The following TTLL5 variants were observed in gnomAD, a reference collection of about 807,000 sequenced individuals.
TTLL5 encodes tubulin tyrosine ligase like 5.
TTLL5 carries 132 observed loss-of-function variants against 168.4 expected under a neutral mutation model. The ratio of observed to expected loss-of-function variants is 0.78; its 90% CI spans 0.68 to 0.91. The LOEUF (loss-of-function observed/expected upper bound fraction) is 0.91, where lower values mean the gene tolerates loss of function less well. Among genes scored for constraint, TTLL5 ranks in the 40% least tolerant of loss-of-function variants. The pLI is 0.00. For synonymous variants in TTLL5, 546 were observed against 558.6 expected (o/e 0.98, Z 0.32); for missense variants, 1,545 against 1,581.5 (o/e 0.98, Z 0.39).
Position 75,853,771 on chromosome 14 carries a change from C to T in TTLL5, c.3327-9896C>T, listed in dbSNP as rs555917048. On this transcript the variant is annotated intron_variant, in intron 28 of 31. Transcript: ENST00000298832. ...AAAAATCATCTATTTTGGCTGGACG[C>T]AGTGGCTTACGCCTGTAATCCCAGC... 3.3e-5 allele frequency among the ~76,000 whole-genome samples: 5 copies of T among 152,314 alleles called. No homozygotes were observed. The South Asian group carries it at 8.3e-4, about 25-fold the overall frequency.
intron 28 of TTLL5, among the ~76,000 whole-genome samples, chr14:75,840,012 A>G (rs1896135031): frequency 6.6e-6 from 1 of 152,202 alleles, no homozygotes; most frequent in South Asian, 2.1e-4. Flanking sequence ...ATTCCATTGA[A>G]TACCCTTTTA....
At chr14:75,697,082 A>G (rs1331236722) in intron 6 of TTLL5, among the ~76,000 whole-genome samples, 1 of 152,168 alleles carries the variant, frequency 6.6e-6, no homozygotes, top group Non-Finnish European at 1.5e-5. Context: ...TGTAGAAATC[A>G]TATGAAATTC....
chr14:75,663,555 G>A (rs766159890), intron 2 of TTLL5, among the ~76,000 whole-genome samples: 10 of 152,176 alleles, frequency 6.6e-5, no homozygotes, highest in Non-Finnish European at 1.5e-4. Flanking sequence ...AAATGTTTAA[G>A]TATTGAAGAA....
chr14:75,763,000 A>G (rs1890746548), intron 18 of TTLL5, among the ~76,000 whole-genome samples: 1 of 152,120 alleles, frequency 6.6e-6, no homozygotes, highest in Non-Finnish European at 1.5e-5. Flanking sequence ...GTCTCCAATC[A>G]CATTAAGTTT....
At chr14:75,781,318 C>T (rs1199771312) in intron 24 of TTLL5, among the ~76,000 whole-genome samples, 3 of 152,112 alleles carry the variant, frequency 2.0e-5, no homozygotes, top group East Asian at 3.9e-4. Context: ...AGGAAGACGT[C>T]AATCAAGGAA....
chr14:75,883,577 T>C (rs139489081), intron 30 of TTLL5, among the ~76,000 whole-genome samples: 90 of 152,360 alleles, frequency 5.9e-4, no homozygotes, highest in Non-Finnish European at 1.2e-3. Context: ...TCTCATTCAT[T>C]TGTCCTTCGG....
chr14:75,874,933 C>CTTTT (rs1555353208), intron 29 of TTLL5, among the ~76,000 whole-genome samples: 1,360 of 97,476 alleles, frequency 0.014, 69 homozygotes, highest in South Asian at 0.019. Context: ...CACTGGGGGC[C>CTTTT]TTTTTTTTTT....
intron 28 of TTLL5, among the ~76,000 whole-genome samples, chr14:75,848,190 T>C (rs175902): frequency 0.14 from 21,476 of 151,896 alleles, 2,192 homozygotes; most frequent in East Asian, 0.4. Context: ...TTGCCTGATA[T>C]TTTGCTTCCT....
intron 28 of TTLL5, among the ~76,000 whole-genome samples, chr14:75,830,916 G>C (rs1335576486): frequency 4.6e-5 from 7 of 152,110 alleles, no homozygotes; most frequent in Admixed American, 6.5e-5. Flanking sequence ...CATCCTTAAT[G>C]CCTTTCATCT....
At chr14:75,954,365 G>C in intron 31 of TTLL5, 59 bp from the exon 32 acceptor site, 1 of 1,587,698 alleles carries the variant, frequency 6.3e-7, no homozygotes, top group Non-Finnish European at 8.6e-7. Context: ...ATTGCTGCCT[G>C]TAAGTAAAAC....
chr14:75,857,217 C>CA (rs1897174831), intron 28 of TTLL5, among the ~76,000 whole-genome samples: 2 of 152,110 alleles, frequency 1.3e-5, no homozygotes, highest in South Asian at 4.1e-4. Context: ...TGAATTTTGT[C>CA]AAATGCATTT....
At chr14:75,734,429 T>C (rs926762623) in intron 14 of TTLL5, among the ~76,000 whole-genome samples, 1 of 152,206 alleles carries the variant, frequency 6.6e-6, no homozygotes, top group Non-Finnish European at 1.5e-5. Context: ...ATCCCTTCTG[T>C]AGTAGTTATA....
chr14:75,767,414 G>A (rs1891031847), intron 20 of TTLL5, among the ~76,000 whole-genome samples: 1 of 152,186 alleles, frequency 6.6e-6, no homozygotes, highest in Admixed American at 6.5e-5. Flanking sequence ...ATGTAATTGG[G>A]CAGAGTTACT....
In TTLL5 at chr14:75,779,665, GAAC is replaced by G. The variant is rs750911646; in HGVS notation, c.2487_2489del (p.Asn830del). 4 of 1,613,346 alleles carry G rather than the reference GAAC, an allele frequency of 2.5e-6. No homozygotes were observed. The highest frequency in any genetic ancestry group is 3.4e-6 in the Non-Finnish European group (4 of 1,179,798). On this transcript the variant is annotated inframe_deletion, in exon 24 of 32. Coordinates refer to ENST00000298832, the MANE Select transcript of TTLL5 (RefSeq NM_015072.5). Reference sequence around the variant, plus strand: ...TGGGGACTCACTCTAAAATTTCTAAGAACAACAACAATTATTCTGATAGTGGGG... The same window carrying G: ...TGGGGACTCACTCTAAAATTTCTAAGAACAACAATTATTCTGATAGTGGGG...
chr14:75,793,199 T>TCATTCAA, intron 27 of TTLL5, 99 bp downstream of exon 27: 1 of 1,096,262 alleles, frequency 9.1e-7, no homozygotes, highest in Non-Finnish European at 1.2e-6. Flanking sequence ...TCCCATATAC[T>TCATTCAA]GATGCCTCTT....
At chr14:75,731,704 T>C (rs1164593222) in intron 12 of TTLL5, among the ~76,000 whole-genome samples, 1 of 152,206 alleles carries the variant, frequency 6.6e-6, no homozygotes, top group East Asian at 1.9e-4. Context: ...CTGATTTCTC[T>C]TTCCTTGTCT....
chr14:75,709,474 T>C (rs57979367), intron 9 of TTLL5: 7,531 of 392,722 alleles, frequency 0.019, 154 homozygotes, highest in African/African-American at 0.067. Context: ...CCTGGGAACA[T>C]TGGAGACTAC....
chr14:75,879,060 C>A (rs2031660710), intron 29 of TTLL5, among the ~76,000 whole-genome samples: 1 of 152,098 alleles, frequency 6.6e-6, no homozygotes, highest in Non-Finnish European at 1.5e-5. Flanking sequence ...TTATTAAGCA[C>A]CTTTCTACTA....
chr14:75,692,044 C>A (rs2140140259), intron 6 of TTLL5, among the ~76,000 whole-genome samples: 1 of 152,344 alleles, frequency 6.6e-6, no homozygotes, highest in East Asian at 1.9e-4. Flanking sequence ...TTCAGAACTT[C>A]AGTGCACTCA....
Sources: allele counts gnomAD v4.1 joint callset (sites outside exome capture counted in the v4.1 genomes callset), GRCh38; gene constraint gnomAD v4.1.1; transcripts MANE v1.5; gene names NCBI Gene and HGNC (gene_info 2026-07-23, HGNC 2026-07-21).